Variants in PRKRA observed in about 807,000 individuals in gnomAD.
PRKRA encodes protein activator of interferon induced protein kinase EIF2AK2, also known as interferon-inducible double-stranded RNA-dependent protein kinase activator A.
A neutral mutation model predicts 32.4 loss-of-function variants in PRKRA; 22 were observed. The observed-to-expected ratio is 0.68, with a 90% CI of 0.49 to 0.97. The LOEUF (loss-of-function observed/expected upper bound fraction) is 0.97. Among genes scored for constraint, PRKRA ranks in the 50% least tolerant of loss-of-function variants. The pLI, the probability that PRKRA is intolerant of heterozygous loss-of-function variation, is 0.00. For synonymous variants in PRKRA, 139 were observed against 129.8 expected (o/e 1.07, Z -0.48); for missense variants, 319 against 375.6 (o/e 0.85, Z 1.25).
chr2:178,450,091 A>AAAGCC, intron 2 of PRKRA, 151 bp downstream of exon 2: 1 of 984,418 alleles, frequency 1.0e-6, no homozygotes, highest in Non-Finnish European at 1.6e-6. Flanking sequence ...ATGCAGCTGA[A>AAAGCC]AAGCCCTAAC....
At position 178,431,992 on chromosome 2, in the gene PRKRA, G is replaced by C. The variant is rs1203521364; in HGVS notation, c.*105C>G. On this transcript the variant is annotated 3_prime_UTR_variant, in exon 8 of 8. Transcript: ENST00000325748. ...GGAGTGTTGATGGAATCTATGAAGA[G>C]ATTTAGAAACAAGACATAAACACTA... The C allele has an allele frequency of 6.1e-6, 8 of 1,307,654 alleles. No homozygotes were observed. The highest frequency in any genetic ancestry group is 8.6e-6 in the Non-Finnish European group (8 of 925,136). 81.0% of individuals were successfully genotyped at this position (1,307,654 alleles called of 1,614,324 possible). A position where few individuals can be genotyped will look rare whatever the true frequency, so the allele number is the denominator to read the frequency against.
At chr2:178,434,024 G>A (rs1696778558) in intron 7 of PRKRA, 3 of 152,128 alleles carry the variant, frequency 2.0e-5, no homozygotes, top group Admixed American at 2.0e-4. Flanking sequence ...TTCATGACAT[G>A]GGTCGTTCAT....
At chr2:178,437,483 CG>C (rs1490181116) in intron 6 of PRKRA, among the ~76,000 whole-genome samples, 1 of 152,194 alleles carries the variant, frequency 6.6e-6, no homozygotes, top group African/African-American at 2.4e-5. Flanking sequence ...ATTTACCTTA[CG>C]GATCTCCAAC....
At chr2:178,442,875 TATTA>T in intron 5 of PRKRA, among the ~76,000 whole-genome samples, 1 of 152,348 alleles carries the variant, frequency 6.6e-6, no homozygotes, top group Middle Eastern at 3.4e-3. Flanking sequence ...TGTAGTCTCT[TATTA>T]ATCATATAAT....
chr2:178,446,769 G>A (rs561022150), intron 3 of PRKRA, among the ~76,000 whole-genome samples: 3 of 152,066 alleles, frequency 2.0e-5, no homozygotes, highest in East Asian at 3.9e-4. Context: ...CGAGGCTGGC[G>A]GATCACGAGG....
intron 6 of PRKRA, 61 bp from the exon 7 acceptor site, chr2:178,436,380 A>G: frequency 1.5e-6 from 2 of 1,329,910 alleles, no homozygotes; most frequent in Non-Finnish European, 2.1e-6. Flanking sequence ...CACCCGTACC[A>G]GTATCATTAA....
chr2:178,435,163 G>C (rs1283134559), intron 7 of PRKRA, among the ~76,000 whole-genome samples: 2 of 151,664 alleles, frequency 1.3e-5, no homozygotes, highest in Admixed American at 1.3e-4. Context: ...GTTACAGTGA[G>C]CTGAGATCAT....
At chr2:178,434,787 G>C (rs1410824968) in intron 7 of PRKRA, among the ~76,000 whole-genome samples, 1 of 152,030 alleles carries the variant, frequency 6.6e-6, no homozygotes, top group Non-Finnish European at 1.5e-5. Flanking sequence ...ACATCTTTCT[G>C]TGGTTGGATA....
intron 5 of PRKRA, among the ~76,000 whole-genome samples, chr2:178,442,391 T>C (rs1009546250): frequency 1.3e-5 from 2 of 152,210 alleles, no homozygotes; most frequent in African/African-American, 2.4e-5. Flanking sequence ...TTCCTGCTTA[T>C]GATCTTCTCT....
rs3997878 is a variant in PRKRA, at chr2:178,431,899, G to A, written c.*198C>T. On this transcript the variant is annotated 3_prime_UTR_variant, in exon 8 of 8. Coordinates refer to ENST00000325748, the MANE Select transcript of PRKRA (RefSeq NM_003690.5). ...TTGTGGTACAAAGTTTATAAATACA[G>A]TATACTGATACAAAGTTGAAGCCAT... The A allele has an allele frequency of 0.26, 171,038 of 651,902 alleles. 9 individuals are homozygous for A. The highest frequency in any genetic ancestry group is 0.3 in the East Asian group (10,621 of 34,976). 40.4% of individuals were successfully genotyped at this position (651,902 alleles called of 1,614,324 possible).
intron 6 of PRKRA, chr2:178,439,278 C>T (rs962747270): frequency 6.6e-6 from 1 of 152,124 alleles, no homozygotes; most frequent in Non-Finnish European, 1.5e-5. Flanking sequence ...CAAAGTGATA[C>T]ACACATACAG....
Position 178,450,562 on chromosome 2 carries a change from C to T in PRKRA, c.66-151G>A, listed in dbSNP as rs142526452. ...CAGAGCTGGCGAGGCTGGGGCGCAC[C>T]TGTCTTCCGGCCCCGCTGCGGCAGT... On this transcript the variant is annotated intron_variant, in intron 1 of 7. Transcript: ENST00000325748. The T allele has an allele frequency of 1.3e-3, 1,923 of 1,526,668 alleles. 24 individuals carry two copies. In the African/African-American group the frequency reaches 0.024, roughly 19 times the overall value. The allele number at this position is 1,526,668 out of a possible 1,614,324, so 94.6% of individuals were successfully genotyped here.
chr2:178,450,274 A>T lies in PRKRA; in HGVS notation c.203T>A (p.Phe68Tyr), dbSNP rs539630421. Residue 68 changes from phenylalanine to tyrosine, a missense_variant, in exon 2 of 8, where the codon TTC (phenylalanine) becomes TAC (tyrosine). Transcript: ENST00000325748. ...DVQIHVPTFT[F>Y]RVTVGDITCT... ...GGTTATGTCACCAACGGTTACTCTG[A>T]AGGTGAAAGTGGGCACGTGTATTTG... 8.9e-5 allele frequency: 143 copies of T among 1,614,282 alleles called. 1 individual carries two copies. The South Asian group carries it at 1.6e-3, about 18-fold the overall frequency.
intron 7 of PRKRA, among the ~76,000 whole-genome samples, chr2:178,432,921 C>T (rs918559004): frequency 1.3e-5 from 2 of 152,134 alleles, no homozygotes; most frequent in Admixed American, 6.6e-5. Flanking sequence ...AGGAAACAAA[C>T]GTTCTTCCCA....
Position 178,432,049 on chromosome 2 carries a change from G to A in PRKRA, c.*48C>T, listed in dbSNP as rs776400663. 1 of 1,602,588 alleles carries A rather than the reference G, an allele frequency of 6.2e-7. No individual in the cohort carries two copies. The highest frequency in any genetic ancestry group is 1.1e-5 in the South Asian group (1 of 90,550). Reference sequence around the variant, plus strand: ...AAGTTTTACTTGGGAAGGGGCCAGAGGGGAACTTTTTATGTGCTACTGAAA... The same window carrying A: ...AAGTTTTACTTGGGAAGGGGCCAGAAGGGAACTTTTTATGTGCTACTGAAA... On this transcript the variant is annotated 3_prime_UTR_variant, in exon 8 of 8. Transcript: ENST00000325748.
chr2:178,432,762 A>G (rs1696719732), intron 7 of PRKRA, among the ~76,000 whole-genome samples: 1 of 152,202 alleles, frequency 6.6e-6, no homozygotes, highest in Non-Finnish European at 1.5e-5. Flanking sequence ...TGTGTCTTCT[A>G]TTAAAAAAAA....
chr2:178,442,260 T>C (rs1408437147), intron 5 of PRKRA, among the ~76,000 whole-genome samples: 3 of 152,236 alleles, frequency 2.0e-5, no homozygotes, highest in African/African-American at 7.2e-5. Flanking sequence ...TTTCTGTTTT[T>C]CTATAATAAT....
At chr2:178,448,477 A>T (rs763993496) in intron 2 of PRKRA, among the ~76,000 whole-genome samples, 23 of 152,170 alleles carry the variant, frequency 1.5e-4, no homozygotes, top group Non-Finnish European at 2.9e-4. Context: ...AGGCACCTGA[A>T]GTATGGAATG....
At chr2:178,450,507 G>C (rs1218748079) in intron 1 of PRKRA, 96 bp from the exon 2 acceptor site, 7 of 1,571,336 alleles carry the variant, frequency 4.5e-6, no homozygotes, top group Non-Finnish European at 6.0e-6. Flanking sequence ...CGGTGACGAG[G>C]GAGGCGCCGA....
Sources: gnomAD v4.1 joint callset for allele counts (sites outside exome capture counted in the v4.1 genomes callset) on GRCh38, gnomAD v4.1.1 for gene constraint, MANE v1.5 for transcripts, NCBI Gene and HGNC (gene_info 2026-07-23, HGNC 2026-07-21) for gene names.